DAB2IP: variants seen among roughly 807,000 people sequenced by gnomAD.
The protein encoded by DAB2IP is DAB2 interacting protein.
In DAB2IP, 28 loss-of-function variants were observed where a neutral mutation model predicts 107.2. The observed-to-expected ratio is 0.26, with a 90% CI of 0.19 to 0.36. DAB2IP has a LOEUF of 0.36. Among genes scored for constraint, DAB2IP ranks in the 10% least tolerant of loss-of-function variants. The pLI is 1.00. For synonymous variants in DAB2IP, 755 were observed against 706.4 expected, an observed-to-expected ratio of 1.07 and a Z score of -1.09; for missense variants, 1,400 against 1,644.7, an observed-to-expected ratio of 0.85 and a Z score of 2.57.
intron 14 of DAB2IP, among the ~76,000 whole-genome samples, chr9:121,779,309 CTTG>C (rs1199008370): frequency 2.6e-5 from 4 of 151,952 alleles, no homozygotes; most frequent in Non-Finnish European, 4.4e-5. Flanking sequence ...TTTATAATAC[CTTG>C]TTGTTTTCAT....
chr9:121,649,534 T>A (rs747433943), upstream of DAB2IP, among the ~76,000 whole-genome samples: 2 of 152,050 alleles, frequency 1.3e-5, no homozygotes, highest in Non-Finnish European at 2.9e-5. Context: ...GATCAGAGGG[T>A]TCCTGCTTTG....
At chr9:121,593,745 G>C (rs2118934745) in intron 1 of DAB2IP, among the ~76,000 whole-genome samples, 1 of 143,306 alleles carries the variant, frequency 7.0e-6, no homozygotes, top group African/African-American at 2.6e-5. Flanking sequence ...TCGGCTCACT[G>C]CAACCTCCAC....
At chr9:121,751,971 C>T (rs964889807) in intron 3 of DAB2IP, 11 of 985,464 alleles carry the variant, frequency 1.1e-5, no homozygotes, top group Non-Finnish European at 1.2e-5. Flanking sequence ...GATTCCATGC[C>T]ATGGAGGACA....
chr9:121,666,172 C>T (rs956800817), intron 1 of DAB2IP, among the ~76,000 whole-genome samples: 2 of 152,306 alleles, frequency 1.3e-5, no homozygotes, highest in Non-Finnish European at 1.5e-5. Context: ...CCATGTCACT[C>T]CCACCTCTGC....
intron 1 of DAB2IP, among the ~76,000 whole-genome samples, chr9:121,618,532 T>C (rs908368931): frequency 6.6e-6 from 1 of 152,080 alleles, no homozygotes; most frequent in African/African-American, 2.4e-5. Context: ...AGCTAATTTT[T>C]GTATTTTTGG....
intron 2 of DAB2IP, among the ~76,000 whole-genome samples, chr9:121,695,337 C>G (rs1386605889): frequency 1.3e-5 from 2 of 152,150 alleles, no homozygotes; most frequent in Non-Finnish European, 2.9e-5. Context: ...TGGTGCTCAG[C>G]CAACATCAGT....
intron 13 of DAB2IP, among the ~76,000 whole-genome samples, chr9:121,775,177 CCAGAACGG>C (rs952007256): frequency 2.6e-5 from 4 of 152,186 alleles, no homozygotes; most frequent in African/African-American, 9.7e-5. Flanking sequence ...AGCGCAGGCC[CCAGAACGG>C]CAGGCGCTTC....
chr9:121,730,154 A>G (rs1831446746), intron 3 of DAB2IP, among the ~76,000 whole-genome samples: 1 of 152,224 alleles, frequency 6.6e-6, no homozygotes, highest in African/African-American at 2.4e-5. Flanking sequence ...AAGGAAAGAA[A>G]GAAACTTTTC....
chr9:121,631,964 C>G (rs552297083), intron 1 of DAB2IP, among the ~76,000 whole-genome samples: 1 of 151,740 alleles, frequency 6.6e-6, no homozygotes, highest in Non-Finnish European at 1.5e-5. Context: ...AGAGGATGGG[C>G]GGGAGGCTGG....
At chr9:121,614,424 T>C (rs1831201888) in intron 1 of DAB2IP, among the ~76,000 whole-genome samples, 1 of 136,654 alleles carries the variant, frequency 7.3e-6, no homozygotes, top group Non-Finnish European at 1.5e-5. Context: ...CACTGCAACC[T>C]CTGCCTCCTA....
At chr9:121,731,906 T>C (rs942343275) in intron 3 of DAB2IP, among the ~76,000 whole-genome samples, 1 of 152,146 alleles carries the variant, frequency 6.6e-6, no homozygotes, top group African/African-American at 2.4e-5. Context: ...GCCTCGGACC[T>C]CGTGTAGACA....
At chr9:121,729,445 C>G (rs1313724828) in intron 3 of DAB2IP, among the ~76,000 whole-genome samples, 1 of 152,146 alleles carries the variant, frequency 6.6e-6, no homozygotes, top group Non-Finnish European at 1.5e-5. Flanking sequence ...AAAACCAGCC[C>G]CAGCATACCC....
chr9:121,621,984 CTTTTTTTTTTTTTT>C (rs1202929145), intron 1 of DAB2IP, among the ~76,000 whole-genome samples: 1 of 99,716 alleles, frequency 1.0e-5, no homozygotes, highest in African/African-American at 4.3e-5. Context: ...TTTTTTCTTT[CTTTTTTTTTTTTTT>C]TTTTTTTTGA....
At chr9:121,723,287 A>G (rs1031532940) in intron 3 of DAB2IP, among the ~76,000 whole-genome samples, 13 of 152,234 alleles carry the variant, frequency 8.5e-5, no homozygotes, top group Admixed American at 7.8e-4. Context: ...CTTCGAGAGC[A>G]CACAGGGCTC....
At chr9:121,723,999 C>T (rs1027098009) in intron 3 of DAB2IP, among the ~76,000 whole-genome samples, 2 of 152,032 alleles carry the variant, frequency 1.3e-5, no homozygotes, top group Non-Finnish European at 2.9e-5. Flanking sequence ...GAGCCTGGGC[C>T]CATGTTGGGG....
At chr9:121,763,874 C>T in exon 8 of DAB2IP, 1 of 1,614,044 alleles carries the variant, frequency 6.2e-7, no homozygotes, top group South Asian at 1.1e-5. Flanking sequence ...TCATCAACTC[C>T]TACTGGTCAG....
chr9:121,763,023 A>G (rs891076446), intron 6 of DAB2IP, among the ~76,000 whole-genome samples: 3 of 152,146 alleles, frequency 2.0e-5, no homozygotes, highest in African/African-American at 7.2e-5. Flanking sequence ...GCTGCACAGA[A>G]GGCATCTGTG....
intron 3 of DAB2IP, among the ~76,000 whole-genome samples, chr9:121,728,085 T>C (rs967031817): frequency 4.6e-5 from 7 of 152,148 alleles, no homozygotes; most frequent in Non-Finnish European, 8.8e-5. Flanking sequence ...CCAGCTATTA[T>C]AGGGGAGAAT....
Position 121,643,011 on chromosome 9 carries a change from G to A in DAB2IP, c.41-35667G>A, listed in dbSNP as rs187929304. ...GGCAGCAGGAACTGGAGATGCAAAC[G>A]CCCTGAGGTGGGACCACGTTTGGCA... On this transcript the variant is annotated intron_variant, in intron 1 of 16. Coordinates refer to the DAB2IP transcript ENST00000259371. Among the ~76,000 whole-genome samples, 30 of 150,866 alleles carry A rather than the reference G, an allele frequency of 2.0e-4. No homozygotes were observed. In the East Asian group the frequency reaches 5.6e-3, roughly 28 times the overall value.
Sources: gnomAD v4.1 joint callset for allele counts (sites outside exome capture counted in the v4.1 genomes callset) on GRCh38, gnomAD v4.1.1 for gene constraint, MANE v1.5 for transcripts, NCBI Gene and HGNC (gene_info 2026-07-23, HGNC 2026-07-21) for gene names.